Variants in EPB41 observed in about 807,000 individuals in gnomAD.
The protein encoded by EPB41 is protein 4.1.
In EPB41, 65 loss-of-function variants were observed where a neutral mutation model predicts 108.0. The ratio of observed to expected loss-of-function variants is 0.60; its 90% CI spans 0.49 to 0.74. EPB41 has a LOEUF of 0.74. Ranked by LOEUF, EPB41 falls within the 30% of genes least tolerant of loss-of-function variation. The probability of loss-of-function intolerance (pLI) is 0.00; values close to 1 mark genes in which losing one functional copy is unlikely to be tolerated. For synonymous variants in EPB41, 336 were observed against 358.9 expected, an observed-to-expected ratio of 0.94 and a Z score of 0.72; for missense variants, 875 against 1,037.0, an observed-to-expected ratio of 0.84 and a Z score of 2.15.
chr1:29,014,924 T>G (rs532630574), intron 5 of EPB41, among the ~76,000 whole-genome samples: 10 of 152,236 alleles, frequency 6.6e-5, no homozygotes, highest in African/African-American at 1.9e-4. Context: ...GGTGGGAGTA[T>G]CGCATGAGCC....
intron 1 of EPB41, among the ~76,000 whole-genome samples, chr1:28,941,918 A>G (rs958296450): frequency 2.7e-5 from 4 of 148,142 alleles, no homozygotes; most frequent in African/African-American, 9.8e-5. Context: ...AAAAAAAAGC[A>G]AAAACCTTTC....
intron 17 of EPB41, among the ~76,000 whole-genome samples, chr1:29,099,657 A>G (rs1205754560): frequency 3.9e-5 from 6 of 152,192 alleles, no homozygotes; most frequent in Admixed American, 3.9e-4. Context: ...GGTAGTTTCA[A>G]TGGACTAGAA....
intron 1 of EPB41, among the ~76,000 whole-genome samples, chr1:28,976,477 C>T (rs2149371944): frequency 6.6e-6 from 1 of 152,230 alleles, no homozygotes; most frequent in Middle Eastern, 3.4e-3. Flanking sequence ...ACCTCAGACT[C>T]CCAAGTAGCT....
chr1:29,074,420 G>T (rs2151152229), intron 16 of EPB41, among the ~76,000 whole-genome samples: 1 of 152,060 alleles, frequency 6.6e-6, no homozygotes, highest in South Asian at 2.1e-4. Context: ...AATCTGTTTT[G>T]TGTGGCATGT....
chr1:28,958,496 T>G (rs1183393660), intron 1 of EPB41, among the ~76,000 whole-genome samples: 1 of 151,184 alleles, frequency 6.6e-6, no homozygotes, highest in Non-Finnish European at 1.5e-5. Flanking sequence ...GGCATTTAGA[T>G]AGTGGAATAC....
intron 1 of EPB41, among the ~76,000 whole-genome samples, chr1:28,897,802 G>T (rs534658404): frequency 6.6e-6 from 1 of 152,266 alleles, no homozygotes; most frequent in Admixed American, 6.5e-5. Context: ...CGAAGATTCA[G>T]TGATAAAATA....
intron 16 of EPB41, among the ~76,000 whole-genome samples, chr1:29,084,559 T>A (rs959293913): frequency 6.6e-6 from 1 of 152,250 alleles, no homozygotes; most frequent in African/African-American, 2.4e-5. Context: ...CAGACTCTCA[T>A]TTTGAGGAAA....
At chr1:28,940,001 A>G (rs145211043) in intron 1 of EPB41, among the ~76,000 whole-genome samples, 1 of 152,266 alleles carries the variant, frequency 6.6e-6, no homozygotes, top group Non-Finnish European at 1.5e-5. Context: ...CTGGAGCTGG[A>G]GGATCCAGTA....
chr1:29,099,268 TAA>T (rs1219575690), intron 17 of EPB41, among the ~76,000 whole-genome samples: 105 of 122,138 alleles, frequency 8.6e-4, no homozygotes, highest in Admixed American at 1.2e-3. Flanking sequence ...TCCACTGCAT[TAA>T]AAAAAAAAAA....
At chr1:28,891,916 C>T (rs949310490) in intron 1 of EPB41, among the ~76,000 whole-genome samples, 2 of 151,838 alleles carry the variant, frequency 1.3e-5, no homozygotes, top group South Asian at 2.1e-4. Flanking sequence ...GGTGAAACCC[C>T]GTCTCTACTA....
rs1462706500 is a variant in EPB41 at position 29,032,423 on chromosome 1, G to C, written c.1213-670G>C. 3.9e-5 allele frequency among the ~76,000 whole-genome samples: 6 copies of C among 152,142 alleles called. No homozygotes were observed. In the East Asian group the frequency reaches 1.2e-3, roughly 29 times the overall value. ...TTCTCAGTTACATAGTCACTGAATT[G>C]GAACTGTATGTAATTCCTGCTTCTC... On this transcript the variant is annotated intron_variant, in intron 8 of 20. Transcript: ENST00000343067.
chr1:29,041,641 C>T (rs1641593293), intron 11 of EPB41, among the ~76,000 whole-genome samples: 1 of 150,906 alleles, frequency 6.6e-6, no homozygotes, highest in Admixed American at 6.6e-5. Flanking sequence ...GAGTGGGACG[C>T]CGTCTCAAAA....
At chr1:29,081,625 C>T (rs1035211090) in intron 16 of EPB41, among the ~76,000 whole-genome samples, 6 of 152,104 alleles carry the variant, frequency 3.9e-5, no homozygotes, top group South Asian at 2.1e-4. Context: ...CGCCTGAGGT[C>T]GGGAGTTTGA....
intron 1 of EPB41, among the ~76,000 whole-genome samples, chr1:28,908,141 C>G (rs2091970608): frequency 6.6e-6 from 1 of 151,966 alleles, no homozygotes; most frequent in Non-Finnish European, 1.5e-5. Flanking sequence ...GTGGCTCACG[C>G]CTGTAATCCT....
chr1:28,906,813 T>C (rs2091869495), intron 1 of EPB41, among the ~76,000 whole-genome samples: 1 of 151,586 alleles, frequency 6.6e-6, no homozygotes, highest in African/African-American at 2.4e-5. Context: ...TCTCGCTCTG[T>C]TGCCCAGGCT....
At chr1:28,915,052 T>G (rs976188052) in intron 1 of EPB41, among the ~76,000 whole-genome samples, 3 of 20,400 alleles carry the variant, frequency 1.5e-4, no homozygotes, top group African/African-American at 7.6e-4. Flanking sequence ...AGATGTATTT[T>G]TGACGGTCCC....
At position 29,015,772 on chromosome 1, in the gene EPB41, ATAAG is replaced by A. The variant is rs769879144; in HGVS notation, c.905+9_905+12del. 1.0e-5 allele frequency: 16 copies of A among 1,549,336 alleles called. No individual in the cohort carries two copies. In the African/African-American group the frequency reaches 2.2e-4, roughly 21 times the overall value. On this transcript the variant is annotated splice_donor_region_variant and intron_variant, in intron 6 of 20. Coordinates refer to ENST00000343067, the MANE Select transcript of EPB41 (RefSeq NM_001376013.1). ...GTTAACAGAAGACATAACAAGGTAA[ATAAG>A]TAATAGTTAAATATGTAATTTATCA... is the stretch of plus-strand genomic sequence containing the variant.
At chr1:28,922,072 C>T (rs1192333256) in intron 1 of EPB41, among the ~76,000 whole-genome samples, 3 of 148,632 alleles carry the variant, frequency 2.0e-5, no homozygotes, top group African/African-American at 5.0e-5. Context: ...CAGGTTGAAG[C>T]GATTCTCCTG....
At chr1:28,932,157 C>G (rs745839234) in intron 1 of EPB41, among the ~76,000 whole-genome samples, 34 of 152,082 alleles carry the variant, frequency 2.2e-4, no homozygotes, top group Non-Finnish European at 3.4e-4. Flanking sequence ...GAGTCTTGCT[C>G]TGTTGCCCAG....
Sources: gnomAD v4.1 joint callset for allele counts (sites outside exome capture counted in the v4.1 genomes callset) on GRCh38, gnomAD v4.1.1 for gene constraint, MANE v1.5 for transcripts, NCBI Gene and HGNC (gene_info 2026-07-23, HGNC 2026-07-21) for gene names.